VTI1B: variants seen among roughly 807,000 people sequenced by gnomAD.
VTI1B encodes vesicle transport through interaction with t-SNAREs 1B.
Under a neutral mutation model 28.6 loss-of-function variants are expected in VTI1B, and 18 were observed. The observed-to-expected ratio is 0.63, with a 90% CI of 0.43 to 0.93. VTI1B has a LOEUF of 0.93. VTI1B is among the 40% of genes least tolerant of loss of function. VTI1B has a pLI of 0.00. For synonymous variants in VTI1B, 100 were observed against 107.9 expected, an observed-to-expected ratio of 0.93 and a Z score of 0.46; for missense variants, 283 against 297.0, an observed-to-expected ratio of 0.95 and a Z score of 0.35.
intron 1 of VTI1B, among the ~76,000 whole-genome samples, chr14:67,672,269 C>A (rs1376468930): frequency 6.6e-6 from 1 of 151,480 alleles, no homozygotes; most frequent in African/African-American, 2.4e-5. Context: ...CAGGCATGCA[C>A]CACCATGCCT....
chr14:67,648,177 A>G lies in VTI1B; in HGVS notation c.*3208T>C, dbSNP rs1361815388. 1 of 1,613,642 alleles carries G rather than the reference A, an allele frequency of 6.2e-7. No individual in the cohort carries two copies. Among genetic ancestry groups the G allele is most frequent in the East Asian group, 2.2e-5 (1 of 44,868 alleles). On this transcript the variant is annotated 3_prime_UTR_variant, in exon 6 of 6. Coordinates refer to ENST00000554659, the MANE Select transcript of VTI1B (RefSeq NM_006370.3). ...CATGTATATTGCTGAGGAAATACACAATACAGGTATGTAGCAACCAGGTCT... is the reference window on the plus strand; with the variant it reads ...CATGTATATTGCTGAGGAAATACACGATACAGGTATGTAGCAACCAGGTCT...
At chr14:67,674,329 G>C in intron 1 of VTI1B, 46 bp downstream of exon 1, 1 of 1,486,776 alleles carries the variant, frequency 6.7e-7, no homozygotes, top group Non-Finnish European at 9.0e-7. Context: ...TCCTTCCAAA[G>C]CGCGCAGGGC....
Position 67,656,421 on chromosome 14 carries a change from T to G in VTI1B, c.535A>C (p.Ser179Arg), listed in dbSNP as rs1196956443. The G allele has an allele frequency of 6.2e-7, 1 of 1,609,474 alleles. No individual in the cohort carries two copies. The highest frequency in any genetic ancestry group is 8.5e-7 in the Non-Finnish European group (1 of 1,177,442). ...CCCTGTCTGCCCAGACTTACTCTAC[T>G]CTTGGTACGTTCTAACTGGTCTCGT... Reference protein sequence around the residue: ...EQRDQLERTKSRLVNTSENLS... With the variant: ...EQRDQLERTKRRLVNTSENLS... The change falls in exon 4 of 6, where the codon AGT becomes CGT. Residue 179 changes from serine to arginine, a missense_variant. Ser to Arg is a moderately radical substitution (Grantham distance 110). Transcript: ENST00000554659.
At position 67,662,188 on chromosome 14, in the gene VTI1B, A is replaced by C. The variant is rs201302728; in HGVS notation, c.174+289T>G. 5.9e-5 allele frequency among the ~76,000 whole-genome samples: 9 copies of C among 152,190 alleles called. No homozygotes were observed. The East Asian group carries it at 1.5e-3, about 26-fold the overall frequency. On this transcript the variant is annotated intron_variant, in intron 2 of 5. Transcript: ENST00000554659. Reference sequence around the variant, plus strand: ...ACAACAACAACAACAACAAAAAAAAAAACAACAGATTTTAAAAGACTGCTT... The same window carrying C: ...ACAACAACAACAACAACAAAAAAAACAACAACAGATTTTAAAAGACTGCTT...
intron 1 of VTI1B, among the ~76,000 whole-genome samples, chr14:67,664,498 A>ATTT (rs11444640): frequency 2.0e-5 from 3 of 147,052 alleles, no homozygotes; most frequent in South Asian, 2.2e-4. Flanking sequence ...CTAAAGAGCA[A>ATTT]TTTTTTTTTT....
intron 2 of VTI1B, 100 bp from the exon 3 acceptor site, chr14:67,660,022 C>G: frequency 1.7e-6 from 2 of 1,191,116 alleles, no homozygotes; most frequent in Non-Finnish European, 2.3e-6. Flanking sequence ...TTTATTTGGA[C>G]TACACCAAGT....
chr14:67,664,303 A>G (rs561762112), intron 1 of VTI1B, among the ~76,000 whole-genome samples: 1 of 152,186 alleles, frequency 6.6e-6, no homozygotes, highest in Non-Finnish European at 1.5e-5. Context: ...CCATTCTATG[A>G]ATTTCACTAC....
At position 67,647,919 on chromosome 14, in the gene VTI1B, G is replaced by A. The variant is rs2037121595; in HGVS notation, c.*3466C>T. The A allele has an allele frequency of 9.9e-6, 9 of 912,196 alleles. No individual in the cohort carries two copies. The East Asian group carries it at 2.4e-4, about 24-fold the overall frequency. 56.5% of individuals were successfully genotyped at this position (912,196 alleles called of 1,614,324 possible). ...TAGGAAGCCTGGAAATGTATTAACA[G>A]CTTTATTAACAAAGTACTAGGACTA... On this transcript the variant is annotated 3_prime_UTR_variant, in exon 6 of 6. Transcript: ENST00000554659.
At chr14:67,661,029 G>T (rs769383483) in intron 2 of VTI1B, among the ~76,000 whole-genome samples, 2 of 152,090 alleles carry the variant, frequency 1.3e-5, no homozygotes, top group Non-Finnish European at 2.9e-5. Flanking sequence ...GGATGCAGAT[G>T]TGCTTCCTTC....
In VTI1B at chr14:67,648,153, A is replaced by G; in HGVS notation, c.*3232T>C. ...CGGGGGACTAACCTATCGAGAAGGC[A>G]TGTATATTGCTGAGGAAATACACAA... is the stretch of plus-strand genomic sequence containing the variant. On this transcript the variant is annotated 3_prime_UTR_variant, in exon 6 of 6. Coordinates refer to ENST00000554659, the MANE Select transcript of VTI1B (RefSeq NM_006370.3). The G allele has an allele frequency of 6.2e-7, 1 of 1,614,060 alleles. No homozygotes were observed.
chr14:67,648,245 C>A lies in VTI1B; in HGVS notation c.*3140G>T. 4 of 1,527,648 alleles carry A rather than the reference C, an allele frequency of 2.6e-6. No individual in the cohort carries two copies. The highest frequency in any genetic ancestry group is 2.0e-5 in the Admixed American group (1 of 50,912). The allele number at this position is 1,527,648 out of a possible 1,614,324, so 94.6% of individuals were successfully genotyped here. ...TAGGTAAATATGCTAGAGTCTCTTGCCTGCAAAGGATCTTTTCTGCTATTC... is the reference window on the plus strand; with the variant it reads ...TAGGTAAATATGCTAGAGTCTCTTGACTGCAAAGGATCTTTTCTGCTATTC... On this transcript the variant is annotated 3_prime_UTR_variant, in exon 6 of 6. Coordinates refer to ENST00000554659, the MANE Select transcript of VTI1B (RefSeq NM_006370.3).
At chr14:67,674,093 G>C (rs958637486) in intron 1 of VTI1B, among the ~76,000 whole-genome samples, 1 of 152,184 alleles carries the variant, frequency 6.6e-6, no homozygotes, top group Admixed American at 6.5e-5. Context: ...CTACATTACA[G>C]GACCGCAGAT....
intron 1 of VTI1B, among the ~76,000 whole-genome samples, chr14:67,669,356 A>C (rs775636388): frequency 4.6e-5 from 7 of 151,764 alleles, no homozygotes; most frequent in African/African-American, 7.3e-5. Context: ...TAAAACTTCA[A>C]ACTGCTAGAC....
At chr14:67,664,788 T>A (rs1342705075) in intron 1 of VTI1B, among the ~76,000 whole-genome samples, 1 of 152,162 alleles carries the variant, frequency 6.6e-6, no homozygotes, top group Non-Finnish European at 1.5e-5. Context: ...TGAGCCGGGC[T>A]TATGGAGAAA....
intron 1 of VTI1B, among the ~76,000 whole-genome samples, chr14:67,665,243 C>T (rs1036314470): frequency 6.8e-6 from 1 of 146,128 alleles, no homozygotes; most frequent in African/African-American, 2.5e-5. Context: ...ACAACAGCAT[C>T]TAATGTCAGT....
At chr14:67,671,609 G>T (rs1203939835) in intron 1 of VTI1B, among the ~76,000 whole-genome samples, 2 of 152,132 alleles carry the variant, frequency 1.3e-5, no homozygotes, top group African/African-American at 4.8e-5. Context: ...AAAAAGGCTG[G>T]GTAGACAACA....
rs1371428456 is a variant in VTI1B at position 67,648,904 on chromosome 14, G to C, written c.*2481C>G. ...ATCTGATGGAACTAGGGTATAGATA[G>C]AGACCCCAGATTGAAAGGTTCAGGG... On this transcript the variant is annotated 3_prime_UTR_variant, in exon 6 of 6. Transcript: ENST00000554659. 2 of 152,184 alleles carry C rather than the reference G, an allele frequency of 1.3e-5. No individual in the cohort carries two copies. The highest frequency in any genetic ancestry group is 1.3e-4 in the Admixed American group (2 of 15,276). The allele number at this position is 152,184 out of a possible 1,614,324, so 9.4% of individuals were successfully genotyped here.
At chr14:67,656,700 T>A (rs1594835482) in intron 3 of VTI1B, 111 bp from the exon 4 acceptor site, 2 of 1,226,928 alleles carry the variant, frequency 1.6e-6, no homozygotes, top group East Asian at 4.9e-5. Flanking sequence ...GCAATAATTT[T>A]CATTCCTTTT....
At chr14:67,668,668 A>AG (rs1439312681) in intron 1 of VTI1B, among the ~76,000 whole-genome samples, 1 of 151,922 alleles carries the variant, frequency 6.6e-6, no homozygotes, top group Non-Finnish European at 1.5e-5. Context: ...AGTGAAAAAA[A>AG]GACAACATTG....
Sources: gnomAD v4.1 joint callset for allele counts (sites outside exome capture counted in the v4.1 genomes callset) on GRCh38, gnomAD v4.1.1 for gene constraint, MANE v1.5 for transcripts, NCBI Gene and HGNC (gene_info 2026-07-23, HGNC 2026-07-21) for gene names.